Variants in UIMC1 observed in about 807,000 individuals in gnomAD.
UIMC1 encodes the protein ubiquitin interaction motif containing 1.
A neutral mutation model predicts 84.9 loss-of-function variants in UIMC1; 42 were observed. The ratio of observed to expected loss-of-function variants is 0.49; its 90% CI spans 0.39 to 0.64. The LOEUF is 0.64. Ranked by LOEUF, UIMC1 falls within the 30% of genes least tolerant of loss-of-function variation. The pLI, the probability that UIMC1 is intolerant of heterozygous loss-of-function variation, is 0.00. For synonymous variants in UIMC1, 281 were observed against 293.0 expected (o/e 0.96, Z 0.42); for missense variants, 825 against 847.6 (o/e 0.97, Z 0.33).
At chr5:176,979,077 A>G (rs1770595446) in intron 2 of UIMC1, among the ~76,000 whole-genome samples, 1 of 152,208 alleles carries the variant, frequency 6.6e-6, no homozygotes, top group African/African-American at 2.4e-5. Flanking sequence ...AATTATAAAA[A>G]TATGTGACAG....
intron 1 of UIMC1, among the ~76,000 whole-genome samples, chr5:176,993,888 G>C (rs1049046124): frequency 1.3e-5 from 2 of 151,432 alleles, no homozygotes; most frequent in Non-Finnish European, 2.9e-5. Context: ...GGCACTTGTA[G>C]TCCCAGCTAC....
intron 9 of UIMC1, among the ~76,000 whole-genome samples, chr5:176,950,118 T>TTTTTG (rs1765670413): frequency 6.9e-6 from 1 of 145,504 alleles, no homozygotes; most frequent in African/African-American, 2.5e-5. Context: ...TTTTTTTTTT[T>TTTTTG]GAGACGGAGT....
chr5:177,005,195 A>C (rs1775083726), intron 1 of UIMC1, among the ~76,000 whole-genome samples: 1 of 151,822 alleles, frequency 6.6e-6, no homozygotes, highest in Non-Finnish European at 1.5e-5. Context: ...TGCCTCAGCC[A>C]CCTGAGTAGC....
chr5:176,972,994 C>T (rs1769497981), intron 3 of UIMC1, among the ~76,000 whole-genome samples: 2 of 150,294 alleles, frequency 1.3e-5, no homozygotes, highest in African/African-American at 4.9e-5. Context: ...CAGCTCACTG[C>T]AACCTCTGCC....
chr5:176,938,240 T>TAAAA (rs35080198), intron 10 of UIMC1, among the ~76,000 whole-genome samples: 1,136 of 112,028 alleles, frequency 0.01, 6 homozygotes, highest in South Asian at 0.028. Flanking sequence ...CCTTCCACAG[T>TAAAA]AAAAAAAAAA....
chr5:176,990,700 G>A (rs978894092), intron 1 of UIMC1, among the ~76,000 whole-genome samples: 18 of 152,126 alleles, frequency 1.2e-4, no homozygotes, highest in Admixed American at 7.9e-4. Flanking sequence ...TGAGATAGGG[G>A]CTTGTTCTGT....
Position 176,967,374 on chromosome 5 carries a change from ATGTGTAAATCATT to A in UIMC1, c.1200+1168_1200+1180del, listed in dbSNP as rs563357616. Reference sequence around the variant, plus strand: ...TATTAAATGAAAAAAGTAGAAAATAATGTGTAAATCATTTGTGTAAAAGAAGGCAGGGAAAAGA... The same window carrying A: ...TATTAAATGAAAAAAGTAGAAAATAATGTGTAAAAGAAGGCAGGGAAAAGA... On this transcript the variant is annotated intron_variant, in intron 6 of 14. Transcript: ENST00000511320. Among the ~76,000 whole-genome samples, 61 of 152,220 alleles carry A rather than the reference ATGTGTAAATCATT, an allele frequency of 4.0e-4. 2 individuals carry two copies. The South Asian group carries it at 0.012, about 30-fold the overall frequency.
At chr5:176,933,854 T>C (rs746118574) in intron 10 of UIMC1, among the ~76,000 whole-genome samples, 14 of 151,532 alleles carry the variant, frequency 9.2e-5, no homozygotes, top group Non-Finnish European at 1.8e-4. Flanking sequence ...TTATCTTTAA[T>C]AGAAAAAAAA....
At chr5:176,943,016 C>T (rs975373441) in intron 10 of UIMC1, among the ~76,000 whole-genome samples, 11 of 152,216 alleles carry the variant, frequency 7.2e-5, no homozygotes, top group South Asian at 2.1e-4. Context: ...AAGCCAAGAT[C>T]GCGCCACTGC....
At chr5:176,936,849 G>A (rs1307202623) in intron 10 of UIMC1, among the ~76,000 whole-genome samples, 3 of 152,058 alleles carry the variant, frequency 2.0e-5, no homozygotes, top group Non-Finnish European at 2.9e-5. Context: ...TGAGACCTCG[G>A]TATTCCCTAT....
chr5:176,912,479 T>TG lies in UIMC1; in HGVS notation c.1598-1091_1598-1090insC, dbSNP rs541963840. ...TACAGTCTTGACTGTTTTTTGTTTTTTTTTTTTTTTGAGACATAGTCTCAC... is the reference window on the plus strand; with the variant it reads ...TACAGTCTTGACTGTTTTTTGTTTTTGTTTTTTTTTTGAGACATAGTCTCAC... On this transcript the variant is annotated intron_variant, in intron 10 of 14. Coordinates refer to ENST00000511320, the MANE Select transcript of UIMC1 (RefSeq NM_001199298.2). 9.6e-4 allele frequency among the ~76,000 whole-genome samples: 145 copies of TG among 150,660 alleles called. 2 individuals are homozygous for TG. Among genetic ancestry groups the TG allele is most frequent in the African/African-American group, 2.8e-3 (115 of 41,148 alleles).
intron 1 of UIMC1, among the ~76,000 whole-genome samples, chr5:177,001,233 C>A (rs186817492): frequency 6.6e-6 from 1 of 152,282 alleles, no homozygotes; most frequent in Admixed American, 6.5e-5. Context: ...ATATAGATAT[C>A]CAGTTTTCTA....
intron 10 of UIMC1, among the ~76,000 whole-genome samples, chr5:176,917,364 G>A (rs1322132667): frequency 6.6e-6 from 1 of 152,168 alleles, no homozygotes; most frequent in African/African-American, 2.4e-5. Context: ...TTGGGGTCAG[G>A]AGTTCCAGAC....
intron 6 of UIMC1, among the ~76,000 whole-genome samples, chr5:176,964,342 T>C (rs992447639): frequency 6.6e-6 from 1 of 152,242 alleles, no homozygotes; most frequent in Admixed American, 6.5e-5. Context: ...GAACTAGATA[T>C]TCTCATACAT....
intron 10 of UIMC1, among the ~76,000 whole-genome samples, chr5:176,915,532 A>G (rs975221697): frequency 1.3e-5 from 2 of 150,750 alleles, no homozygotes; most frequent in Non-Finnish European, 3.0e-5. Flanking sequence ...ATCGGCTCAC[A>G]GCAACCTCTG....
intron 1 of UIMC1, among the ~76,000 whole-genome samples, chr5:177,014,156 G>A (rs888630273): frequency 6.7e-6 from 1 of 149,264 alleles, no homozygotes; most frequent in Non-Finnish European, 1.5e-5. Context: ...CGGTTCAAGC[G>A]ATTCTCCTGC....
intron 8 of UIMC1, among the ~76,000 whole-genome samples, chr5:176,953,665 G>C (rs1221396344): frequency 6.6e-6 from 1 of 152,082 alleles, no homozygotes; most frequent in East Asian, 1.9e-4. Flanking sequence ...ATAATAAAAA[G>C]TCTTCAATTA....
At chr5:176,946,562 C>T (rs1219804554) in intron 9 of UIMC1, among the ~76,000 whole-genome samples, 1 of 151,834 alleles carries the variant, frequency 6.6e-6, no homozygotes, top group Non-Finnish European at 1.5e-5. Context: ...TCACCAGGTG[C>T]GATGGCTCAC....
At chr5:176,915,332 G>A (rs1413454076) in intron 10 of UIMC1, among the ~76,000 whole-genome samples, 1 of 150,706 alleles carries the variant, frequency 6.6e-6, no homozygotes, top group African/African-American at 2.4e-5. Flanking sequence ...TGTATCAATA[G>A]ATTCCAGGGG....
Sources: allele counts gnomAD v4.1 joint callset (sites outside exome capture counted in the v4.1 genomes callset), GRCh38; gene constraint gnomAD v4.1.1; transcripts MANE v1.5; gene names NCBI Gene and HGNC (gene_info 2026-07-23, HGNC 2026-07-21).